SYNJ1: variants seen among roughly 807,000 people sequenced by gnomAD.
The protein encoded by SYNJ1 is synaptojanin 1, also known as polyphosphatidylinositol phosphatase SYNJ1.
Under a neutral mutation model 168.2 loss-of-function variants are expected in SYNJ1, and 78 were observed. The observed-to-expected ratio is 0.46, with a 90% CI of 0.39 to 0.56. SYNJ1 has a LOEUF of 0.56. SYNJ1 is among the 20% of genes least tolerant of loss of function. The pLI, the probability that SYNJ1 is intolerant of heterozygous loss-of-function variation, is 0.00. For synonymous variants in SYNJ1, 539 were observed against 548.6 expected, an observed-to-expected ratio of 0.98 and a Z score of 0.24; for missense variants, 1,303 against 1,597.6, an observed-to-expected ratio of 0.82 and a Z score of 3.14.
intron 22 of SYNJ1, among the ~76,000 whole-genome samples, chr21:32,651,521 C>T (rs555892895): frequency 6.6e-6 from 1 of 152,156 alleles, no homozygotes; most frequent in South Asian, 2.1e-4. Context: ...TAAAATCAAT[C>T]CAATTTCAGA....
intron 15 of SYNJ1, among the ~76,000 whole-genome samples, chr21:32,669,047 TG>T (rs1273142819): frequency 3.3e-5 from 5 of 152,218 alleles, no homozygotes; most frequent in African/African-American, 1.2e-4. Context: ...CAGACATTAT[TG>T]ATTTTATTAA....
Position 32,639,105 on chromosome 21 carries a change from G to C in SYNJ1, c.3718C>G (p.Pro1240Ala). Reference sequence around the variant, plus strand: ...GGAAAAGCAGCCTGAGGCTTCAGTGGTTCAGGAAGGAAAGTTGAACCTAAA... The same window carrying C: ...GGAAAAGCAGCCTGAGGCTTCAGTGCTTCAGGAAGGAAAGTTGAACCTAAA... ...TSKGSTFLPE[P>A]LKPQAAFPPQ... The change falls in exon 31 of 33, where the codon CCA becomes GCA. Residue 1240 changes from proline (P) to alanine (A), a missense_variant. Around this residue, in one of 2 missense-constraint regions of SYNJ1, gnomAD observed 383 missense variants for 388.8 expected, o/e 0.99. Transcript: ENST00000674351. 1 of 1,612,496 alleles carries C rather than the reference G, an allele frequency of 6.2e-7. No homozygotes were observed. Among genetic ancestry groups the C allele is most frequent in the African/African-American group, 1.3e-5 (1 of 74,978 alleles).
intron 12 of SYNJ1, 103 bp from the exon 13 acceptor site, chr21:32,676,458 G>T: frequency 9.1e-7 from 1 of 1,100,990 alleles, no homozygotes; most frequent in Non-Finnish European, 1.3e-6. Context: ...CCTCACTTAA[G>T]TCAATTTGAT....
intron 2 of SYNJ1, among the ~76,000 whole-genome samples, chr21:32,708,532 T>C (rs1404442924): frequency 6.6e-6 from 1 of 152,242 alleles, no homozygotes; most frequent in Non-Finnish European, 1.5e-5. Flanking sequence ...GGAGTGATTC[T>C]GAGCCCATCA....
chr21:32,675,426 G>A (rs888069816), intron 13 of SYNJ1, among the ~76,000 whole-genome samples: 1 of 152,072 alleles, frequency 6.6e-6, no homozygotes, highest in South Asian at 2.1e-4. Flanking sequence ...AAAAAGAAAT[G>A]AGTCTATGCT....
At position 32,699,822 on chromosome 21, in the gene SYNJ1, G is replaced by T. The variant is rs1569110733; in HGVS notation, c.479+16C>A. On this transcript the variant is annotated intron_variant, in intron 4 of 32. Coordinates refer to ENST00000674351, the MANE Select transcript of SYNJ1 (RefSeq NM_203446.3). ...TATTATGTCCCAAATCACCAAAAGG[G>T]AAAAAATGAACTCACCAGAAAAATC... 6.2e-7 allele frequency: 1 copy of T among 1,601,442 alleles called. No homozygotes were observed. The highest frequency in any genetic ancestry group is 2.2e-5 in the East Asian group (1 of 44,706).
In SYNJ1 at chr21:32,726,890, C is replaced by A. The variant is rs61750221; in HGVS notation, c.6G>T (p.Ala2=). The change falls in exon 2 of 33, where the codon GCG becomes GCT. Residue 2 remains alanine, a synonymous_variant. Transcript: ENST00000674351. ...GATAGATCCGGAATCCTTTACTGAA[C>A]GCCATTCTCCTTTCTTCGGAGGCAG... M[A]FSKGFRIYHK... is the part of the protein sequence containing the mutation. 1.2e-6 allele frequency: 2 copies of A among 1,613,944 alleles called. No individual in the cohort carries two copies. The highest frequency in any genetic ancestry group is 1.3e-5 in the African/African-American group (1 of 74,888).
intron 26 of SYNJ1, among the ~76,000 whole-genome samples, chr21:32,644,709 T>C (rs1477176153): frequency 1.3e-5 from 2 of 152,210 alleles, no homozygotes; most frequent in Admixed American, 1.3e-4. Flanking sequence ...TGTACCTGAA[T>C]GACTTTTAAA....
chr21:32,687,216 A>G (rs375444595), intron 7 of SYNJ1, 142 bp from the exon 8 acceptor site: 4 of 502,142 alleles, frequency 8.0e-6, no homozygotes, highest in East Asian at 3.8e-5. Flanking sequence ...TTCATTGTAC[A>G]TGGTCTCAAA....
intron 11 of SYNJ1, among the ~76,000 whole-genome samples, chr21:32,681,265 T>C (rs1210046108): frequency 2.0e-5 from 3 of 152,206 alleles, no homozygotes; most frequent in Non-Finnish European, 2.9e-5. Context: ...AATGACTAGA[T>C]ACGTTATATA....
intron 27 of SYNJ1, among the ~76,000 whole-genome samples, chr21:32,642,360 C>G (rs1368175455): frequency 6.6e-6 from 1 of 152,168 alleles, no homozygotes; most frequent in African/African-American, 2.4e-5. Context: ...TTATGGGAGA[C>G]AAGTGGTGAC....
intron 6 of SYNJ1, 31 bp from the exon 7 acceptor site, chr21:32,688,398 C>CA: frequency 1.3e-5 from 20 of 1,578,996 alleles, no homozygotes; most frequent in Non-Finnish European, 1.6e-5. Flanking sequence ...TTAATCAAAC[C>CA]AAAAACCAAC....
intron 18 of SYNJ1, among the ~76,000 whole-genome samples, chr21:32,661,321 A>G (rs1324454517): frequency 6.6e-6 from 1 of 152,234 alleles, no homozygotes; most frequent in African/African-American, 2.4e-5. Flanking sequence ...GGTTCCACCC[A>G]GCATACAAGC....
Position 32,685,181 on chromosome 21 carries a change from C to CAA in SYNJ1, c.1118+565_1118+566dup, listed in dbSNP as rs553002012. ...TGGGCGACAGAGCGAGACTCCGTCT[C>CAA]AAAAAAAAAAAAAAAAAAGACTTAA... On this transcript the variant is annotated intron_variant, in intron 9 of 32. Transcript: ENST00000674351. Among the ~76,000 whole-genome samples the CAA allele has an allele frequency of 4.1e-3, 238 of 57,654 alleles. 1 individual carries two copies. Among genetic ancestry groups the CAA allele is most frequent in the African/African-American group, 0.014 (214 of 15,052 alleles). The allele number at this position is 57,654 out of a possible 152,430, so 37.8% of individuals were successfully genotyped here.
Position 32,641,908 on chromosome 21 carries a change from A to G in SYNJ1, c.3576T>C (p.Ser1192=). 4.3e-6 allele frequency: 7 copies of G among 1,612,596 alleles called. No individual in the cohort carries two copies. The highest frequency in any genetic ancestry group is 5.9e-6 in the Non-Finnish European group (7 of 1,179,136). Residue 1192 remains serine (S), a synonymous_variant, in exon 29 of 33, where the codon AGT becomes AGC. Coordinates refer to ENST00000674351, the MANE Select transcript of SYNJ1 (RefSeq NM_203446.3). Reference sequence around the variant, plus strand: ...AGGTTTTACCTACCGGTCTGGCTGTACTGTATCCAGCAGGTCCTGGGCCTG... The same window carrying G: ...AGGTTTTACCTACCGGTCTGGCTGTGCTGTATCCAGCAGGTCCTGGGCCTG... The part of the protein sequence containing the change: ...GLAGPGPAGY[S]TARPTIPPRA...
intron 18 of SYNJ1, among the ~76,000 whole-genome samples, chr21:32,659,216 A>C (rs529948171): frequency 1.9e-4 from 28 of 146,146 alleles, no homozygotes; most frequent in South Asian, 8.7e-4. Context: ...GACTTAACCC[A>C]AAAAAAAAAC....
rs1333455448 is a variant in SYNJ1, at chr21:32,699,978, C to T, written c.339G>A (p.Glu113=). ...CTTTCCGCACTTCTGAAATGCGATCCTCATCTGAAGAATCGATTCGCAGTG... is the reference window on the plus strand; with the variant it reads ...CTTTCCGCACTTCTGAAATGCGATCTTCATCTGAAGAATCGATTCGCAGTG... The part of the protein sequence containing the change: ...FISLRIDSSD[E]DRISEVRKVL... Residue 113 remains glutamate, a synonymous_variant, in exon 4 of 33, where the codon GAG becomes GAA. Coordinates refer to ENST00000674351, the MANE Select transcript of SYNJ1 (RefSeq NM_203446.3). The T allele has an allele frequency of 2.5e-6, 4 of 1,614,144 alleles. No homozygotes were observed. Among genetic ancestry groups the T allele is most frequent in the Non-Finnish European group, 3.4e-6 (4 of 1,180,018 alleles).
At chr21:32,684,867 T>C (rs1466446017) in intron 9 of SYNJ1, among the ~76,000 whole-genome samples, 1 of 152,098 alleles carries the variant, frequency 6.6e-6, no homozygotes. Flanking sequence ...ATCCCTATAA[T>C]TGTTATTGAT....
rs1378742058 is a variant in SYNJ1 at position 32,630,856 on chromosome 21, G to C, written c.*949C>G. 6.1e-6 allele frequency: 5 copies of C among 823,110 alleles called. No individual in the cohort carries two copies. Among genetic ancestry groups the C allele is most frequent in the Non-Finnish European group, 9.4e-6 (5 of 534,666 alleles). 51.0% of individuals were successfully genotyped at this position (823,110 alleles called of 1,614,324 possible). ...TCCAATATACACATAGTCCAACTCT[G>C]TACACATCAAATAGTGGTGTTTTGT... is the stretch of plus-strand genomic sequence containing the variant. On this transcript the variant is annotated 3_prime_UTR_variant, in exon 33 of 33. Coordinates refer to ENST00000674351, the MANE Select transcript of SYNJ1 (RefSeq NM_203446.3).
Sources: gnomAD v4.1 joint callset for allele counts (sites outside exome capture counted in the v4.1 genomes callset) on GRCh38, gnomAD v4.1.1 for gene constraint, gnomAD v4.1.1 regional missense constraint, MANE v1.5 for transcripts, NCBI Gene and HGNC (gene_info 2026-07-23, HGNC 2026-07-21) for gene names.